NPHS1: variants seen among roughly 807,000 people sequenced by gnomAD.
NPHS1 encodes the protein nephrin.
NPHS1 carries 107 observed loss-of-function variants against 139.7 expected under a neutral mutation model. The ratio of observed to expected loss-of-function variants is 0.77; its 90% CI spans 0.66 to 0.90. The LOEUF is 0.90. Among genes scored for constraint, NPHS1 ranks in the 40% least tolerant of loss-of-function variants. The pLI is 0.00. For missense variants in NPHS1, 1,580 were observed against 1,654.2 expected (o/e 0.96, Z 0.78); for synonymous variants, 707 against 706.6 (o/e 1.00, Z -0.01).
At chr19:35,846,694 T>C (rs975233541) in intron 11 of NPHS1, among the ~76,000 whole-genome samples, 3 of 152,244 alleles carry the variant, frequency 2.0e-5, no homozygotes, top group Admixed American at 6.5e-5. Context: ...TTATTATTGC[T>C]GCTGCACAAA....
At position 35,844,107 on chromosome 19, in the gene NPHS1, C is replaced by G; in HGVS notation, c.2208G>C (p.Val736=). The G allele has an allele frequency of 6.2e-7, 1 of 1,606,898 alleles. No individual in the cohort carries two copies. The highest frequency in any genetic ancestry group is 8.5e-7 in the Non-Finnish European group (1 of 1,179,790). ...TCCATGGTGGGCGGGGCTCACAGTG[C>G]ACGTCCAGCCGCAGCCGCGCTTCCG... The part of the protein sequence containing the change: ...GTAEARLRLD[V]HYAPTIRALQ... Residue 736 remains valine, a synonymous_variant, in exon 16 of 29, where the codon GTG becomes GTC. Coordinates refer to ENST00000378910, the MANE Select transcript of NPHS1 (RefSeq NM_004646.4).
Position 35,826,383 on chromosome 19 carries a change from T to A in NPHS1, c.*131A>T, listed in dbSNP as rs551020364. 9.7e-7 allele frequency: 1 copy of A among 1,032,890 alleles called. No homozygotes were observed. Among genetic ancestry groups the A allele is most frequent in the African/African-American group, 1.6e-5 (1 of 63,484 alleles). The allele number at this position is 1,032,890 out of a possible 1,614,324, so 64.0% of individuals were successfully genotyped here. A position where few individuals can be genotyped will look rare whatever the true frequency, so the allele number is the denominator to read the frequency against. Reference sequence around the variant, plus strand: ...CATCTCTGTCACTCAGCCCCCTCCATGTCCTCTCCTGACACCAAGTCCCTT... The same window carrying A: ...CATCTCTGTCACTCAGCCCCCTCCAAGTCCTCTCCTGACACCAAGTCCCTT... On this transcript the variant is annotated 3_prime_UTR_variant, in exon 29 of 29. Coordinates refer to ENST00000378910, the MANE Select transcript of NPHS1 (RefSeq NM_004646.4).
rs182810063 is a variant in NPHS1, at chr19:35,827,527, T to C, written c.3595-882A>G. ...CTTGGTCAATTGATTTCTCTGTATT[T>C]CTATCTTGTTCCCCTCCCCGACTAA... On this transcript the variant is annotated intron_variant, in intron 28 of 28. Coordinates refer to ENST00000378910, the MANE Select transcript of NPHS1 (RefSeq NM_004646.4). Among the ~76,000 whole-genome samples, 339 of 152,262 alleles carry C rather than the reference T, an allele frequency of 2.2e-3. 1 individual carries two copies. The highest frequency in any genetic ancestry group is 4.0e-3 in the Non-Finnish European group (271 of 68,028).
At position 35,831,295 on chromosome 19, in the gene NPHS1, C is replaced by T; in HGVS notation, c.3387+1G>A. On this transcript the variant is annotated splice_donor_variant, in intron 26 of 28. Coordinates refer to ENST00000378910, the MANE Select transcript of NPHS1 (RefSeq NM_004646.4). LOFTEE classifies it high-confidence loss of function. ...GGGTCACCAGGGCCACCCCCACTTA[C>T]CGTGGAGCTCTGAGTGTCCCGCTCT... 6.2e-7 allele frequency: 1 copy of T among 1,614,008 alleles called. No individual in the cohort carries two copies. Among genetic ancestry groups the T allele is most frequent in the Non-Finnish European group, 8.5e-7 (1 of 1,179,934 alleles).
Position 35,851,983 on chromosome 19 carries a change from C to T in NPHS1, c.-146G>A, listed in dbSNP as rs1973278730. 2 of 688,362 alleles carry T rather than the reference C, an allele frequency of 2.9e-6. No individual in the cohort carries two copies. Among genetic ancestry groups the T allele is most frequent in the African/African-American group, 1.8e-5 (1 of 56,030 alleles). The allele number at this position is 688,362 out of a possible 1,614,324, so 42.6% of individuals were successfully genotyped here. On this transcript the variant is annotated 5_prime_UTR_variant, in exon 1 of 29. Transcript: ENST00000378910. ...GTTACTCTCCTCCCTTTCTCGTTTT[C>T]CTCTTCCCCTCTTCCCTGTGAGTAT...
Position 35,849,276 on chromosome 19 carries a change from GC to G in NPHS1, c.799del (p.Ala267ProfsTer7), listed in dbSNP as rs1435873372. On this transcript the variant is annotated frameshift_variant, in exon 7 of 29. Transcript: ENST00000378910. LOFTEE classifies it high-confidence loss of function. ...TGTGGCTAAGGGATTACCCCCTCGG[GC>G]CACGCACGGCAGCTCCAAGCTCTGT... ...AGQSLELPCV[A>X]RGGNPLATLQ... 1 of 1,613,362 alleles carries G rather than the reference GC, an allele frequency of 6.2e-7. No individual in the cohort carries two copies. Among genetic ancestry groups the G allele is most frequent in the Admixed American group, 1.7e-5 (1 of 60,000 alleles).
At chr19:35,836,181 G>A (rs7246220) in intron 22 of NPHS1, among the ~76,000 whole-genome samples, 2 of 144,846 alleles carry the variant, frequency 1.4e-5, no homozygotes, top group South Asian at 2.3e-4. Flanking sequence ...GGCTAGTCTC[G>A]AACTCCTGAC....
intron 17 of NPHS1, 148 bp from the exon 18 acceptor site, chr19:35,842,698 TATCCATTTACTCA>T: frequency 1.3e-6 from 1 of 781,968 alleles, no homozygotes; most frequent in Non-Finnish European, 2.1e-6. Flanking sequence ...GTCATCCATC[TATCCATTTACTCA>T]ATCCATCTTT....
intron 23 of NPHS1, among the ~76,000 whole-genome samples, chr19:35,833,662 C>G (rs1164908434): frequency 6.6e-6 from 1 of 152,004 alleles, no homozygotes; most frequent in Non-Finnish European, 1.5e-5. Context: ...CTGAAAGTGG[C>G]CACACTTGGA....
At chr19:35,849,389 G>C in intron 6 of NPHS1, 26 bp from the exon 7 acceptor site, 1 of 1,605,174 alleles carries the variant, frequency 6.2e-7, no homozygotes, top group Non-Finnish European at 8.5e-7. Flanking sequence ...CACTCAGTGG[G>C]CCTGGAGTAG....
rs371773715 is a variant in NPHS1, at chr19:35,830,836, C to T, written c.3594+8G>A. 2.9e-5 allele frequency: 44 copies of T among 1,542,566 alleles called. No individual in the cohort carries two copies. The highest frequency in any genetic ancestry group is 3.9e-5 in the Non-Finnish European group (43 of 1,114,660). On this transcript the variant is annotated splice_region_variant and intron_variant, in intron 28 of 28. Coordinates refer to ENST00000378910, the MANE Select transcript of NPHS1 (RefSeq NM_004646.4). ...AGGAAGGATGGTTGCTGATGCAAAG[C>T]TTCTCACCATCTGCACTTCATCGTA...
chr19:35,845,689 G>A lies in NPHS1; in HGVS notation c.1737C>T (p.Ser579=). The change falls in exon 13 of 29, where the codon TCC becomes TCT. Residue 579 remains serine (S), a synonymous_variant. Coordinates refer to ENST00000378910, the MANE Select transcript of NPHS1 (RefSeq NM_004646.4). The surrounding 1 kb of genome is among the most constrained non-coding windows in gnomAD (Gnocchi z 5.5). ...CCCACCTCTCCCCTTCCTTGTCCCA[G>A]GACAAGTTGACCGGCGGATTGCTGC... ...SVSSNPPVNL[S]WDKEGERLEG... 6.2e-7 allele frequency: 1 copy of A among 1,613,970 alleles called. No homozygotes were observed. The highest frequency in any genetic ancestry group is 8.5e-7 in the Non-Finnish European group (1 of 1,179,918).
At chr19:35,827,448 C>T (rs994374352) in intron 28 of NPHS1, among the ~76,000 whole-genome samples, 6 of 151,680 alleles carry the variant, frequency 4.0e-5, no homozygotes, top group African/African-American at 1.4e-4. Flanking sequence ...GGGTGACAGA[C>T]TGAGACTATC....
chr19:35,833,081 A>G (rs1972906161), intron 23 of NPHS1, among the ~76,000 whole-genome samples: 1 of 149,010 alleles, frequency 6.7e-6, no homozygotes, highest in Non-Finnish European at 1.5e-5. Flanking sequence ...TTTAATAGAG[A>G]CGGAGTTTCG....
intron 20 of NPHS1, among the ~76,000 whole-genome samples, chr19:35,840,469 G>C (rs1568452531): frequency 6.8e-6 from 1 of 146,272 alleles, no homozygotes; most frequent in African/African-American, 2.5e-5. Context: ...CGAGTAGCTG[G>C]GACTACAGGT....
chr19:35,838,843 A>G (rs1165302813), intron 22 of NPHS1, among the ~76,000 whole-genome samples: 1 of 152,130 alleles, frequency 6.6e-6, no homozygotes, highest in Admixed American at 6.6e-5. Flanking sequence ...GTGAAACTCC[A>G]TCTCAAAAAA....
At chr19:35,849,807 T>C (rs1973206714) in intron 5 of NPHS1, among the ~76,000 whole-genome samples, 154 bp from the exon 6 acceptor site, 1 of 152,184 alleles carries the variant, frequency 6.6e-6, no homozygotes, top group African/African-American at 2.4e-5. Flanking sequence ...GGGAGAGATT[T>C]TGGGGGTGAA....
chr19:35,843,550 G>C lies in NPHS1; in HGVS notation c.2256C>G (p.Asn752Lys), dbSNP rs530683414. The C allele has an allele frequency of 6.2e-7, 1 of 1,614,122 alleles. No homozygotes were observed. The highest frequency in any genetic ancestry group is 1.1e-5 in the South Asian group (1 of 91,090). Residue 752 changes from asparagine to lysine, a missense_variant, in exon 17 of 29, where the codon AAC becomes AAG. Coordinates refer to ENST00000378910, the MANE Select transcript of NPHS1 (RefSeq NM_004646.4). Reference sequence around the variant, plus strand: ...AGACTATGTCCACAGAACCCCCGACGTTCACCTCAGTGGGGTCCTGGAGGG... The same window carrying C: ...AGACTATGTCCACAGAACCCCCGACCTTCACCTCAGTGGGGTCCTGGAGGG... ...IRALQDPTEV[N>K]VGGSVDIVCT...
rs372215512 is a variant in NPHS1, at chr19:35,843,886, A to C, written c.2212+217T>G. On this transcript the variant is annotated intron_variant, in intron 16 of 28. Transcript: ENST00000378910. ...CCTGACGGGAGCAGCTTCCGTGTCT[A>C]GGCGGGCACCCTCTCTGGGCAGAGA... 2.4e-5 allele frequency: 17 copies of C among 703,404 alleles called. 1 individual carries two copies. The East Asian group carries it at 4.6e-4, about 19-fold the overall frequency. 43.6% of individuals were successfully genotyped at this position (703,404 alleles called of 1,614,324 possible).
Sources: gnomAD v4.1 joint callset for allele counts (sites outside exome capture counted in the v4.1 genomes callset) on GRCh38, gnomAD v4.1.1 for gene constraint, Gnocchi (gnomAD v3.1) non-coding constraint, MANE v1.5 for transcripts, NCBI Gene and HGNC (gene_info 2026-07-23, HGNC 2026-07-21) for gene names.